Variants in FERMT2 observed in about 807,000 individuals in gnomAD.
FERMT2 encodes the protein FERM domain containing kindlin 2, also known as fermitin family homolog 2.
FERMT2 carries 15 observed loss-of-function variants against 82.7 expected under a neutral mutation model. That is an observed-to-expected ratio of 0.18 (90% CI 0.12 to 0.28). FERMT2 has a LOEUF of 0.28. Among genes scored for constraint, FERMT2 ranks in the 10% least tolerant of loss-of-function variants. The pLI, the probability that FERMT2 is intolerant of heterozygous loss-of-function variation, is 1.00. For synonymous variants in FERMT2, 274 were observed against 271.5 expected, an observed-to-expected ratio of 1.01 and a Z score of -0.09; for missense variants, 645 against 809.4, an observed-to-expected ratio of 0.80 and a Z score of 2.46.
intron 6 of FERMT2, among the ~76,000 whole-genome samples, chr14:52,879,723 T>C (rs1306401038): frequency 6.6e-6 from 1 of 152,182 alleles, no homozygotes; most frequent in Non-Finnish European, 1.5e-5. Flanking sequence ...AAATCTAGAC[T>C]ATACTCTAAA....
chr14:52,909,890 T>C (rs1888217274), intron 3 of FERMT2, among the ~76,000 whole-genome samples: 1 of 151,858 alleles, frequency 6.6e-6, no homozygotes, highest in South Asian at 2.1e-4. Context: ...CTGTCTCTAC[T>C]AAAAATACAA....
intron 7 of FERMT2, among the ~76,000 whole-genome samples, chr14:52,877,574 C>CTTTTTTTGTTTT (rs1886042222): frequency 1.5e-5 from 1 of 67,062 alleles, no homozygotes; most frequent in Non-Finnish European, 2.5e-5. Flanking sequence ...GCTGTTCTTG[C>CTTTTTTTGTTTT]TTTTTTTTTT....
chr14:52,871,578 T>C (rs543122221), intron 10 of FERMT2: 1 of 152,358 alleles, frequency 6.6e-6, no homozygotes. Flanking sequence ...GAAATTCGCC[T>C]ACCAGCTGAG....
At position 52,919,159 on chromosome 14, in the gene FERMT2, C is replaced by T; in HGVS notation, c.355G>A (p.Val119Ile). ...CAGATGTCAGAAACAGCTTTGAAGACTCTATCAGAGAAATTCACTTTCACC... is the reference window on the plus strand; with the variant it reads ...CAGATGTCAGAAACAGCTTTGAAGATTCTATCAGAGAAATTCACTTTCACC... ...VKVKVNFSDR[V>I]FKAVSDICKT... Residue 119 changes from valine to isoleucine, a missense_variant, in exon 3 of 15, where the codon GTC becomes ATC. Val to Ile is a conservative substitution (Grantham distance 29, BLOSUM62 3). Coordinates refer to ENST00000341590, the MANE Select transcript of FERMT2 (RefSeq NM_006832.3). The T allele has an allele frequency of 6.2e-7, 1 of 1,613,822 alleles. No individual in the cohort carries two copies.
At chr14:52,899,657 G>T (rs1887507333) in intron 3 of FERMT2, among the ~76,000 whole-genome samples, 1 of 152,180 alleles carries the variant, frequency 6.6e-6, no homozygotes, top group African/African-American at 2.4e-5. Flanking sequence ...TTTTCTAATG[G>T]TAGGTAGTTC....
At chr14:52,926,455 C>T (rs998412573) in intron 2 of FERMT2, among the ~76,000 whole-genome samples, 5 of 147,502 alleles carry the variant, frequency 3.4e-5, no homozygotes, top group Admixed American at 3.4e-4. Flanking sequence ...CACACACACA[C>T]TCAGCCTGGC....
intron 4 of FERMT2, among the ~76,000 whole-genome samples, chr14:52,884,998 T>G (rs913940339): frequency 2.7e-5 from 4 of 150,392 alleles, no homozygotes; most frequent in African/African-American, 9.8e-5. Flanking sequence ...TGAGACTGTG[T>G]TTCGAAAAAT....
chr14:52,893,526 T>A, intron 3 of FERMT2, 99 bp from the exon 4 acceptor site: 1 of 894,568 alleles, frequency 1.1e-6, no homozygotes, highest in Non-Finnish European at 1.7e-6. Context: ...GTAACTTCCT[T>A]CTGTATGTCT....
rs1306151793 is a variant in FERMT2 at position 52,875,294 on chromosome 14, CTTCT to C, written c.1023_1026del (p.Glu342LeufsTer45). On this transcript the variant is annotated frameshift_variant, in exon 8 of 15. Coordinates refer to ENST00000341590, the MANE Select transcript of FERMT2 (RefSeq NM_006832.3). LOFTEE classifies it high-confidence loss of function. ...GAAAGGGCAGCATCAACTTCATCAACTTCTTTGTCACTGTTGTTCAAATGATTCT... is the reference window on the plus strand; with the variant it reads ...GAAAGGGCAGCATCAACTTCATCAACTTGTCACTGTTGTTCAAATGATTCT... 1 of 1,612,654 alleles carries C rather than the reference CTTCT, an allele frequency of 6.2e-7. No individual in the cohort carries two copies.
intron 2 of FERMT2, among the ~76,000 whole-genome samples, chr14:52,920,763 G>A (rs182801951): frequency 1.2e-3 from 177 of 152,216 alleles, no homozygotes; most frequent in Middle Eastern, 3.4e-3. Flanking sequence ...GACCAGCCTG[G>A]ACAATGTGGT....
intron 10 of FERMT2, among the ~76,000 whole-genome samples, chr14:52,870,494 C>T (rs1013318643): frequency 2.6e-5 from 4 of 152,246 alleles, no homozygotes; most frequent in East Asian, 1.9e-4. Context: ...GATGATCCGC[C>T]GCCTCAGCCT....
At chr14:52,866,391 A>G (rs1430240332) in intron 10 of FERMT2, among the ~76,000 whole-genome samples, 1 of 152,154 alleles carries the variant, frequency 6.6e-6, no homozygotes, top group Non-Finnish European at 1.5e-5. Context: ...TTTCTCCCCA[A>G]CAGCAACAGA....
chr14:52,938,416 A>G (rs185429443), intron 2 of FERMT2, among the ~76,000 whole-genome samples: 94 of 152,330 alleles, frequency 6.2e-4, no homozygotes, highest in Middle Eastern at 3.4e-3. Context: ...AATCCTTTAA[A>G]TACCATATTT....
At chr14:52,922,103 A>G (rs1442320317) in intron 2 of FERMT2, among the ~76,000 whole-genome samples, 2 of 152,190 alleles carry the variant, frequency 1.3e-5, no homozygotes, top group African/African-American at 4.8e-5. Context: ...CCCAGGAAGC[A>G]CACTTGAGGG....
chr14:52,890,064 G>A (rs1886848318), intron 4 of FERMT2, among the ~76,000 whole-genome samples: 1 of 150,286 alleles, frequency 6.7e-6, no homozygotes, highest in African/African-American at 2.5e-5. Flanking sequence ...TGGCTGCAGA[G>A]AGCCAAGATT....
intron 7 of FERMT2, among the ~76,000 whole-genome samples, chr14:52,877,574 C>CTTTTTCTTT (rs1886041565): frequency 3.0e-5 from 2 of 67,060 alleles, no homozygotes; most frequent in Non-Finnish European, 5.0e-5. Flanking sequence ...GCTGTTCTTG[C>CTTTTTCTTT]TTTTTTTTTT....
At chr14:52,950,892 C>CGGGTCCCGGCG (rs1413981876) in intron 1 of FERMT2, 29 bp downstream of exon 1, 80 of 195,490 alleles carry the variant, frequency 4.1e-4, no homozygotes, top group African/African-American at 1.8e-3. Flanking sequence ...CGCGCCCCCT[C>CGGGTCCCGGCG]GGGTCCCGGC....
intron 2 of FERMT2, among the ~76,000 whole-genome samples, chr14:52,949,568 A>C (rs1030571657): frequency 1.3e-5 from 2 of 152,118 alleles, no homozygotes; most frequent in African/African-American, 4.8e-5. Context: ...TTCTCTTATG[A>C]TCAAATCATC....
At position 52,893,417 on chromosome 14, in the gene FERMT2, G is replaced by A. The variant is rs199890407; in HGVS notation, c.402C>T (p.His134=). 13 of 1,599,162 alleles carry A rather than the reference G, an allele frequency of 8.1e-6. No homozygotes were observed. The South Asian group carries it at 1.3e-4, about 15-fold the overall frequency. ...TCTTTAAGAGAGAAAGTTCTTCGGGGTGTCTGATATCTGTTAATAAAATAG... is the reference window on the plus strand; with the variant it reads ...TCTTTAAGAGAGAAAGTTCTTCGGGATGTCTGATATCTGTTAATAAAATAG... ...SDICKTFNIR[H]PEELSLLKKP... is the part of the protein sequence containing the mutation. The change falls in exon 4 of 15, where the codon CAC becomes CAT. Residue 134 remains histidine, a synonymous_variant. Coordinates refer to ENST00000341590, the MANE Select transcript of FERMT2 (RefSeq NM_006832.3).
Sources: gnomAD v4.1 joint callset for allele counts (sites outside exome capture counted in the v4.1 genomes callset) on GRCh38, gnomAD v4.1.1 for gene constraint, MANE v1.5 for transcripts, NCBI Gene and HGNC (gene_info 2026-07-23, HGNC 2026-07-21) for gene names.